The following C4orf36 variants were observed in gnomAD, a reference collection of about 807,000 sequenced individuals.
The protein encoded by C4orf36 is chromosome 4 open reading frame 36.
Under a neutral mutation model 12.2 loss-of-function variants are expected in C4orf36, and 11 were observed. The observed-to-expected ratio is 0.90, with a 90% CI of 0.57 to 1.49. C4orf36 has a LOEUF of 1.49. Among genes scored for constraint, C4orf36 ranks in the 40% most tolerant of loss-of-function variants. The pLI, the probability that C4orf36 is intolerant of heterozygous loss-of-function variation, is 0.00. For synonymous variants in C4orf36, 54 were observed against 51.3 expected, an observed-to-expected ratio of 1.05 and a Z score of -0.22; for missense variants, 137 against 133.9, an observed-to-expected ratio of 1.02 and a Z score of -0.11.
the C4orf36 span, among the ~76,000 whole-genome samples, chr4:86,915,531 C>A: frequency 6.6e-6 from 1 of 152,262 alleles, no homozygotes; most frequent in East Asian, 1.9e-4. Context: ...CGCCTGTAAT[C>A]CCAGCACTTT....
the C4orf36 span, among the ~76,000 whole-genome samples, chr4:86,906,485 T>G: frequency 6.6e-6 from 1 of 152,062 alleles, no homozygotes; most frequent in Non-Finnish European, 1.5e-5. Context: ...CTCAGCATTT[T>G]GGGAGGCCAA....
At chr4:86,880,359 G>A (rs1305089032) in intron 4 of C4orf36, among the ~76,000 whole-genome samples, 3 of 152,156 alleles carry the variant, frequency 2.0e-5, no homozygotes, top group East Asian at 1.9e-4. Context: ...GGAGCATGAG[G>A]CAGAGAATTG....
intron 4 of C4orf36, among the ~76,000 whole-genome samples, chr4:86,880,358 G>A (rs547746402): frequency 6.6e-6 from 1 of 152,326 alleles, no homozygotes; most frequent in African/African-American, 2.4e-5. Flanking sequence ...GGGAGCATGA[G>A]GCAGAGAATT....
At chr4:86,892,518 C>T (rs1281083564), upstream of C4orf36, 1 of 950,804 alleles carries the variant, frequency 1.1e-6, no homozygotes, top group Non-Finnish European at 1.3e-6. Flanking sequence ...AGACGCGCCC[C>T]GCGGGGTCCG....
the C4orf36 span, chr4:86,913,151 T>C: frequency 1.8e-5 from 6 of 336,300 alleles, no homozygotes; most frequent in Non-Finnish European, 3.4e-5. Context: ...GCGTGATATA[T>C]GTTCTCAGTG....
chr4:86,879,052 G>GT (rs78289567), intron 4 of C4orf36, among the ~76,000 whole-genome samples: 69,106 of 151,946 alleles, frequency 0.45, 17,244 homozygotes, highest in South Asian at 0.68. Context: ...AGAGGTAGCT[G>GT]TTTTTTATTT....
intron 2 of C4orf36, chr4:86,890,211 A>AGGGAGAG: frequency 1.4e-5 from 1 of 73,408 alleles, no homozygotes; most frequent in Non-Finnish European, 2.7e-5. Context: ...GGGAGGGAGG[A>AGGGAGAG]AGGAAGGAAG....
At chr4:86,908,654 TCTCC>T in the C4orf36 span, among the ~76,000 whole-genome samples, 10 of 148,470 alleles carry the variant, frequency 6.7e-5, no homozygotes, top group East Asian at 2.0e-4. Context: ...ACTCTCTCTC[TCTCC>T]CTCCCTCCCT....
At chr4:86,933,261 C>A in the C4orf36 span, 3 of 151,520 alleles carry the variant, frequency 2.0e-5, no homozygotes, top group African/African-American at 7.3e-5. Flanking sequence ...GAAGTGTGTA[C>A]TGGAATTATT....
At chr4:86,916,639 C>G in the C4orf36 span, among the ~76,000 whole-genome samples, 1 of 152,188 alleles carries the variant, frequency 6.6e-6, no homozygotes. Context: ...TCTTCCATTA[C>G]TGAGAGGGCA....
chr4:86,924,222 C>T, the C4orf36 span, among the ~76,000 whole-genome samples: 1 of 152,106 alleles, frequency 6.6e-6, no homozygotes, highest in African/African-American at 2.4e-5. Flanking sequence ...TTTTTTGAAA[C>T]AGAGTCTCAC....
At chr4:86,886,859 A>T (rs1469126736) in intron 4 of C4orf36, 1 of 152,186 alleles carries the variant, frequency 6.6e-6, no homozygotes, top group African/African-American at 2.4e-5. Context: ...ACTTGGAACC[A>T]ACCCAAATGT....
chr4:86,920,100 A>G, the C4orf36 span, among the ~76,000 whole-genome samples: 6 of 152,186 alleles, frequency 3.9e-5, no homozygotes, highest in Middle Eastern at 3.2e-3. Context: ...TGCCTTCTGT[A>G]AAGTCTAGGG....
At chr4:86,882,087 G>A (rs775594518) in intron 4 of C4orf36, among the ~76,000 whole-genome samples, 1 of 152,120 alleles carries the variant, frequency 6.6e-6, no homozygotes, top group Non-Finnish European at 1.5e-5. Flanking sequence ...TTCAAGAGAG[G>A]GAGAGACATA....
At chr4:86,921,626 CTCAG>C in the C4orf36 span, among the ~76,000 whole-genome samples, 3 of 152,018 alleles carry the variant, frequency 2.0e-5, no homozygotes, top group South Asian at 2.1e-4. Flanking sequence ...AATTAATAAA[CTCAG>C]TATTAAAATT....
rs780002660 is a variant in C4orf36, at chr4:86,888,128, AG to A, written c.212del (p.Ser71LeufsTer13). The A allele has an allele frequency of 6.2e-7, 1 of 1,611,656 alleles. No homozygotes were observed. Among genetic ancestry groups the A allele is most frequent in the South Asian group, 1.1e-5 (1 of 90,352 alleles). On this transcript the variant is annotated frameshift_variant, in exon 3 of 5. Transcript: ENST00000295898. LOFTEE classifies it high-confidence loss of function. ...AGAACTTAAGGAACTTACATTCTGCAGAAGGGAGCAGTCCATCTTTAATGGT... is the reference window on the plus strand; with the variant it reads ...AGAACTTAAGGAACTTACATTCTGCAAAGGGAGCAGTCCATCTTTAATGGT... ...CTTIKDGLLP[S>X]AESIKLEREY...
the C4orf36 span, among the ~76,000 whole-genome samples, chr4:86,901,278 G>A: frequency 5.3e-5 from 8 of 152,166 alleles, no homozygotes; most frequent in South Asian, 6.2e-4. Context: ...CACTGAGCCC[G>A]GCCAATGGTT....
At chr4:86,905,132 G>A in the C4orf36 span, among the ~76,000 whole-genome samples, 1 of 151,920 alleles carries the variant, frequency 6.6e-6, no homozygotes, top group East Asian at 1.9e-4. Flanking sequence ...CAGCACTTTG[G>A]GAAGCCGAGG....
chr4:86,905,913 G>T, the C4orf36 span, among the ~76,000 whole-genome samples: 1 of 151,960 alleles, frequency 6.6e-6, no homozygotes, highest in Non-Finnish European at 1.5e-5. Context: ...TAGAGACAGG[G>T]TTTCACCATA....
Sources: allele counts gnomAD v4.1 joint callset (sites outside exome capture counted in the v4.1 genomes callset), GRCh38; gene constraint gnomAD v4.1.1; transcripts MANE v1.5; gene names NCBI Gene and HGNC (gene_info 2026-07-23, HGNC 2026-07-21).